Variants in AHCYL2 observed in about 807,000 individuals in gnomAD.
The protein encoded by AHCYL2 is adenosylhomocysteinase like 2, also known as S-adenosylhomocysteine hydrolase-like protein 2.
A neutral mutation model predicts 81.4 loss-of-function variants in AHCYL2; 28 were observed. That is an observed-to-expected ratio of 0.34 (90% confidence interval 0.25 to 0.47). The LOEUF is 0.47. AHCYL2 is among the 20% of genes least tolerant of loss of function. The pLI, the probability that AHCYL2 is intolerant of heterozygous loss-of-function variation, is 1.00. For synonymous variants in AHCYL2, 272 were observed against 290.2 expected (o/e 0.94, Z 0.64); for missense variants, 551 against 785.1 (o/e 0.70, Z 3.56).
At chr7:129,278,830 TCTC>T (rs1480372797) in intron 1 of AHCYL2, among the ~76,000 whole-genome samples, 1 of 151,624 alleles carries the variant, frequency 6.6e-6, no homozygotes, top group East Asian at 1.9e-4. Context: ...GTAAGACTCT[TCTC>T]CACTGAATTG....
rs542419308 is a variant in AHCYL2, at chr7:129,277,531, C to T, written c.363+52092C>T. ...CTGGGCTCAGGCAATCCACCTGCCT[C>T]GGCCTCCCAAAGTGCTAGGATTACA... On this transcript the variant is annotated intron_variant, in intron 1 of 16. Transcript: ENST00000325006. Among the ~76,000 whole-genome samples, 371 of 152,254 alleles carry T rather than the reference C, an allele frequency of 2.4e-3. 2 individuals carry two copies. The highest frequency in any genetic ancestry group is 8.4e-3 in the African/African-American group (348 of 41,546).
intron 1 of AHCYL2, among the ~76,000 whole-genome samples, chr7:129,321,743 G>GTTTTTTTTTTTTTTTTTTTTTTTTCTTTT: frequency 2.4e-4 from 19 of 77,616 alleles, no homozygotes; most frequent in Admixed American, 4.9e-4. Context: ...TTCTTTCTTT[G>GTTTTTTTTTTTTTTTTTTTTTTTTCTTTT]TTTTTTTTTT....
intron 1 of AHCYL2, among the ~76,000 whole-genome samples, chr7:129,246,532 C>T (rs571392496): frequency 1.3e-5 from 2 of 152,308 alleles, no homozygotes; most frequent in Admixed American, 1.3e-4. Context: ...GGATCTCGCT[C>T]TGTCACTCTG....
chr7:129,344,800 C>T (rs928955137), intron 1 of AHCYL2, among the ~76,000 whole-genome samples: 1 of 151,540 alleles, frequency 6.6e-6, no homozygotes, highest in East Asian at 1.9e-4. Context: ...GGGCAGGAAG[C>T]GGGGAGGAAA....
intron 1 of AHCYL2, among the ~76,000 whole-genome samples, chr7:129,348,118 C>T (rs1304051506): frequency 6.6e-6 from 1 of 152,204 alleles, no homozygotes; most frequent in East Asian, 1.9e-4. Flanking sequence ...ATGTAGAATG[C>T]ATTACATTCA....
At chr7:129,352,387 G>A (rs1314447329) in intron 1 of AHCYL2, among the ~76,000 whole-genome samples, 3 of 152,072 alleles carry the variant, frequency 2.0e-5, no homozygotes, top group African/African-American at 7.2e-5. Flanking sequence ...AGCTGTCCCC[G>A]GTGTAGACCT....
At chr7:129,284,335 C>T (rs189348648) in intron 1 of AHCYL2, among the ~76,000 whole-genome samples, 37 of 152,098 alleles carry the variant, frequency 2.4e-4, no homozygotes, top group Admixed American at 2.3e-3. Flanking sequence ...TGGTGGCTCA[C>T]GCCTGTAATC....
At chr7:129,342,654 C>T (rs1793224456) in intron 1 of AHCYL2, among the ~76,000 whole-genome samples, 1 of 152,100 alleles carries the variant, frequency 6.6e-6, no homozygotes, top group Admixed American at 6.5e-5. Context: ...TTTGGGAGTT[C>T]ATGTATAAGC....
chr7:129,303,326 G>A (rs1355893762), intron 1 of AHCYL2, among the ~76,000 whole-genome samples: 1 of 152,148 alleles, frequency 6.6e-6, no homozygotes, highest in Non-Finnish European at 1.5e-5. Context: ...CTTTGACTTT[G>A]ATCTTGCTAC....
intron 1 of AHCYL2, among the ~76,000 whole-genome samples, chr7:129,229,265 C>G (rs1192748441): frequency 2.0e-5 from 3 of 152,108 alleles, no homozygotes; most frequent in African/African-American, 7.2e-5. Context: ...TGAAGTTTCT[C>G]CATGTTGGTC....
chr7:129,232,057 G>C (rs533763536), intron 1 of AHCYL2, among the ~76,000 whole-genome samples: 2 of 151,900 alleles, frequency 1.3e-5, no homozygotes, highest in Non-Finnish European at 2.9e-5. Flanking sequence ...TCTGAGTATA[G>C]GACTTTAGCC....
intron 1 of AHCYL2, among the ~76,000 whole-genome samples, chr7:129,252,773 A>G (rs1019473633): frequency 2.0e-5 from 3 of 151,920 alleles, no homozygotes; most frequent in Admixed American, 2.0e-4. Flanking sequence ...TCTCTGATTG[A>G]TTGATAGCTA....
intron 1 of AHCYL2, among the ~76,000 whole-genome samples, chr7:129,305,067 T>G (rs1216044126): frequency 1.3e-5 from 2 of 152,224 alleles, no homozygotes; most frequent in African/African-American, 4.8e-5. Flanking sequence ...TTTTTAGATT[T>G]GTGGTTACCA....
chr7:129,334,816 T>TGG (rs2150807531), intron 1 of AHCYL2, among the ~76,000 whole-genome samples: 1 of 152,184 alleles, frequency 6.6e-6, no homozygotes, highest in East Asian at 1.9e-4. Context: ...AATATCATTT[T>TGG]GGCTGCTCTT....
chr7:129,331,488 A>C (rs1054229757), intron 1 of AHCYL2, among the ~76,000 whole-genome samples: 1 of 152,170 alleles, frequency 6.6e-6, no homozygotes, highest in Non-Finnish European at 1.5e-5. Context: ...AGAAGTGTAA[A>C]ATTGATGCAA....
chr7:129,248,387 C>T (rs1420986881), intron 1 of AHCYL2, among the ~76,000 whole-genome samples: 1 of 152,136 alleles, frequency 6.6e-6, no homozygotes, highest in Non-Finnish European at 1.5e-5. Flanking sequence ...CTCCTGTATA[C>T]TTAAATCATT....
At chr7:129,412,571 G>A (rs1323907499) in intron 11 of AHCYL2, among the ~76,000 whole-genome samples, 1 of 151,910 alleles carries the variant, frequency 6.6e-6, no homozygotes, top group Non-Finnish European at 1.5e-5. Context: ...ATGAGCCACT[G>A]CGCCTGGCTG....
chr7:129,403,186 T>C (rs1796116899), intron 6 of AHCYL2, among the ~76,000 whole-genome samples, 193 bp from the exon 7 acceptor site: 4 of 152,242 alleles, frequency 2.6e-5, no homozygotes, highest in Non-Finnish European at 4.4e-5. Context: ...CCTCTCATTG[T>C]CTTTTACTTC....
chr7:129,248,101 TC>T (rs1584702340), intron 1 of AHCYL2, among the ~76,000 whole-genome samples: 1 of 152,248 alleles, frequency 6.6e-6, no homozygotes, highest in Non-Finnish European at 1.5e-5. Flanking sequence ...GAAAGAACTA[TC>T]CTTTCCTCAT....
Sources: gnomAD v4.1 joint callset for allele counts (sites outside exome capture counted in the v4.1 genomes callset) on GRCh38, gnomAD v4.1.1 for gene constraint, MANE v1.5 for transcripts, NCBI Gene and HGNC (gene_info 2026-07-23, HGNC 2026-07-21) for gene names.